Variants in PDLIM5 observed in about 807,000 individuals in gnomAD.
PDLIM5 encodes PDZ and LIM domain 5, also known as PDZ and LIM domain protein 5.
Under a neutral mutation model 64.2 loss-of-function variants are expected in PDLIM5, and 34 were observed. The ratio of observed to expected loss-of-function variants is 0.53; its 90% CI spans 0.40 to 0.71. The LOEUF (loss-of-function observed/expected upper bound fraction) is 0.71, where lower values mean the gene tolerates loss of function less well. Ranked by LOEUF, PDLIM5 falls within the 30% of genes least tolerant of loss-of-function variation. The pLI, the probability that PDLIM5 is intolerant of heterozygous loss-of-function variation, is 0.00. For synonymous variants in PDLIM5, 253 were observed against 269.1 expected (o/e 0.94, Z 0.59); for missense variants, 683 against 733.6 (o/e 0.93, Z 0.80).
At position 94,585,705 on chromosome 4, in the gene PDLIM5, G is replaced by T; in HGVS notation, c.851G>T (p.Arg284Leu). Residue 284 changes from arginine to leucine, a missense_variant, in exon 6 of 13, where the codon CGA becomes CTA. Transcript: ENST00000317968. ...RTGTTQSRSF[R>L]ILAQITGTEH... ...GGAACAACTCAGTCTCGCTCTTTCC[G>T]AATCCTTGCCCAGATCACTGGGACT... 1 of 1,613,810 alleles carries T rather than the reference G, an allele frequency of 6.2e-7. No homozygotes were observed. Among genetic ancestry groups the T allele is most frequent in the Non-Finnish European group, 8.5e-7 (1 of 1,179,810 alleles).
chr4:94,513,725 T>G (rs1466564485), intron 2 of PDLIM5, among the ~76,000 whole-genome samples: 1 of 152,214 alleles, frequency 6.6e-6, no homozygotes, highest in Non-Finnish European at 1.5e-5. Context: ...TTTGTTTGTT[T>G]GTTTGATTGT....
At chr4:94,559,787 A>G (rs150603838) in intron 3 of PDLIM5, among the ~76,000 whole-genome samples, 7 of 152,360 alleles carry the variant, frequency 4.6e-5, no homozygotes, top group Non-Finnish European at 1.0e-4. Context: ...TTTTATTGCC[A>G]TTATGACTGG....
At chr4:94,468,468 T>C (rs1049969645) in intron 2 of PDLIM5, among the ~76,000 whole-genome samples, 4 of 152,164 alleles carry the variant, frequency 2.6e-5, no homozygotes, top group Admixed American at 6.5e-5. Context: ...TTTTTACAAT[T>C]TCTATGTCTT....
chr4:94,611,014 G>A (rs1738320015), intron 7 of PDLIM5: 4 of 1,351,598 alleles, frequency 3.0e-6, no homozygotes, highest in Non-Finnish European at 4.1e-6. Flanking sequence ...AAGAACTACT[G>A]TCTGCTATTG....
intron 7 of PDLIM5, among the ~76,000 whole-genome samples, chr4:94,598,010 A>G (rs1400751711): frequency 6.6e-6 from 1 of 152,170 alleles, no homozygotes; most frequent in Non-Finnish European, 1.5e-5. Context: ...AAGACCCTTA[A>G]AATTCCTTTG....
intron 9 of PDLIM5, among the ~76,000 whole-genome samples, chr4:94,649,449 C>T (rs1305676823): frequency 2.0e-5 from 3 of 152,188 alleles, no homozygotes; most frequent in African/African-American, 7.2e-5. Flanking sequence ...ATCCCTACTT[C>T]CTACCTATAC....
intron 7 of PDLIM5, among the ~76,000 whole-genome samples, chr4:94,601,592 G>A (rs1285084785): frequency 1.3e-5 from 2 of 152,074 alleles, no homozygotes; most frequent in African/African-American, 4.8e-5. Context: ...CCTCATTTTG[G>A]GTAGTATTTT....
intron 8 of PDLIM5, among the ~76,000 whole-genome samples, chr4:94,633,641 A>G (rs1740329397): frequency 6.6e-6 from 1 of 152,164 alleles, no homozygotes; most frequent in African/African-American, 2.4e-5. Flanking sequence ...CTGAATAAGG[A>G]CTTACTGAGC....
chr4:94,514,301 AT>A (rs1180527447), intron 2 of PDLIM5, among the ~76,000 whole-genome samples: 7 of 151,618 alleles, frequency 4.6e-5, no homozygotes, highest in Non-Finnish European at 7.4e-5. Context: ...CGCCCAGCTA[AT>A]TTTTTGTATT....
At position 94,640,370 on chromosome 4, in the gene PDLIM5, G is replaced by C; in HGVS notation, c.1203G>C (p.Gln401His). Residue 401 changes from glutamine to histidine, a missense_variant, in exon 9 of 13, where the codon CAG becomes CAC. By Grantham distance (24) the Gln-to-His change is conservative. Coordinates refer to ENST00000317968, the MANE Select transcript of PDLIM5 (RefSeq NM_006457.5). ...TGGGACAAACCCAGCCAAGTGACCA[G>C]GACACTTTAGTGCAAAGAGCTGAGC... ...SALGQTQPSD[Q>H]DTLVQRAEHI... 6.2e-7 allele frequency: 1 copy of C among 1,613,404 alleles called. No homozygotes were observed. Among genetic ancestry groups the C allele is most frequent in the African/African-American group, 1.3e-5 (1 of 75,008 alleles).
intron 2 of PDLIM5, among the ~76,000 whole-genome samples, chr4:94,465,643 C>CGGGAGTTCAAGTGAT (rs1472710928): frequency 2.6e-5 from 4 of 152,032 alleles, no homozygotes; most frequent in Non-Finnish European, 4.4e-5. Flanking sequence ...ACCCCTGACT[C>CGGGAGTTCAAGTGAT]CCGCCTCAGC....
intron 2 of PDLIM5, among the ~76,000 whole-genome samples, chr4:94,493,766 A>G (rs1181180354): frequency 6.6e-6 from 1 of 152,208 alleles, no homozygotes; most frequent in African/African-American, 2.4e-5. Flanking sequence ...AAGAAAGATT[A>G]TACTCCAACA....
intron 3 of PDLIM5, among the ~76,000 whole-genome samples, chr4:94,537,845 G>T (rs1471253043): frequency 6.6e-6 from 1 of 152,120 alleles, no homozygotes; most frequent in Non-Finnish European, 1.5e-5. Flanking sequence ...GTAATGATTT[G>T]TCTGCACACA....
intron 2 of PDLIM5, among the ~76,000 whole-genome samples, chr4:94,510,856 A>G (rs1728808694): frequency 6.6e-6 from 1 of 152,186 alleles, no homozygotes; most frequent in East Asian, 1.9e-4. Context: ...AAAAAAATAC[A>G]AAAATTAACT....
At chr4:94,571,994 G>A (rs1734847310) in intron 3 of PDLIM5, among the ~76,000 whole-genome samples, 1 of 152,160 alleles carries the variant, frequency 6.6e-6, no homozygotes, top group African/African-American at 2.4e-5. Context: ...AATTCTCAGT[G>A]CTTGCCATAG....
chr4:94,490,004 A>C (rs1341154644), intron 2 of PDLIM5, among the ~76,000 whole-genome samples: 1 of 151,932 alleles, frequency 6.6e-6, no homozygotes, highest in Non-Finnish European at 1.5e-5. Context: ...TATGCATCAG[A>C]ATTTCTACTG....
chr4:94,465,172 A>G (rs573429291), intron 2 of PDLIM5, among the ~76,000 whole-genome samples: 1 of 152,102 alleles, frequency 6.6e-6, no homozygotes, highest in Admixed American at 6.6e-5. Context: ...CTAAAGCCCT[A>G]TCTCTTCCTC....
intron 1 of PDLIM5, among the ~76,000 whole-genome samples, chr4:94,452,922 G>A (rs1410657387): frequency 6.6e-6 from 1 of 152,186 alleles, no homozygotes; most frequent in Non-Finnish European, 1.5e-5. Context: ...TGTGGCTTTA[G>A]TTCTTCAGCT....
intron 3 of PDLIM5, among the ~76,000 whole-genome samples, chr4:94,548,036 C>T (rs1298921753): frequency 1.3e-5 from 2 of 152,184 alleles, no homozygotes; most frequent in East Asian, 1.9e-4. Context: ...TCACCATTAT[C>T]GTAGTTGATA....
Sources: allele counts gnomAD v4.1 joint callset (sites outside exome capture counted in the v4.1 genomes callset), GRCh38; gene constraint gnomAD v4.1.1; transcripts MANE v1.5; gene names NCBI Gene and HGNC (gene_info 2026-07-23, HGNC 2026-07-21).